The following SLC14A2 variants were observed in gnomAD, a reference collection of about 807,000 sequenced individuals.
SLC14A2 encodes the protein urea transporter 2.
SLC14A2 carries 91 observed loss-of-function variants against 104.6 expected under a neutral mutation model. The observed-to-expected ratio is 0.87, with a 90% CI of 0.73 to 1.04. The LOEUF (loss-of-function observed/expected upper bound fraction) is 1.04. Ranked by LOEUF, SLC14A2 falls within the 50% of genes least tolerant of loss-of-function variation. The pLI, the probability that SLC14A2 is intolerant of heterozygous loss-of-function variation, is 0.00. For missense variants in SLC14A2, 1,189 were observed against 1,156.0 expected (o/e 1.03, Z -0.41); for synonymous variants, 476 against 466.4 (o/e 1.02, Z -0.27).
At chr18:45,531,385 C>T (rs549427550) in intron 2 of SLC14A2, among the ~76,000 whole-genome samples, 34 of 152,046 alleles carry the variant, frequency 2.2e-4, no homozygotes, top group African/African-American at 5.1e-4. Flanking sequence ...TTTTAATGAT[C>T]GCCATTCTAA....
chr18:45,648,164 T>A (rs1200232539), intron 10 of SLC14A2, among the ~76,000 whole-genome samples: 5 of 151,338 alleles, frequency 3.3e-5, no homozygotes, highest in Non-Finnish European at 7.4e-5. Context: ...TTGCCTATTA[T>A]TATAAGTTAC....
At chr18:45,667,567 C>T (rs1240297822) in intron 13 of SLC14A2, among the ~76,000 whole-genome samples, 2 of 152,160 alleles carry the variant, frequency 1.3e-5, no homozygotes, top group Non-Finnish European at 2.9e-5. Flanking sequence ...CCACAGGGGT[C>T]AGAGGCAGCT....
chr18:45,198,374 T>A, the SLC14A2 span, among the ~76,000 whole-genome samples: 1 of 152,142 alleles, frequency 6.6e-6, no homozygotes, highest in African/African-American at 2.4e-5. Flanking sequence ...TTTGATGAGT[T>A]TGATTCTTTC....
At chr18:45,168,400 A>G in the SLC14A2 span, among the ~76,000 whole-genome samples, 35,198 of 152,080 alleles carry the variant, frequency 0.23, 4,365 homozygotes, top group African/African-American at 0.28. Context: ...CCTCATACTC[A>G]TTTTTATATA....
intron 1 of SLC14A2, among the ~76,000 whole-genome samples, chr18:45,460,296 A>G (rs2087021002): frequency 6.6e-6 from 1 of 151,740 alleles, no homozygotes; most frequent in Admixed American, 6.6e-5. Context: ...TCACACACTG[A>G]CTCTTCACCC....
At chr18:45,676,041 C>T (rs1331467931) in intron 18 of SLC14A2, among the ~76,000 whole-genome samples, 3 of 152,134 alleles carry the variant, frequency 2.0e-5, no homozygotes, top group Admixed American at 1.3e-4. Context: ...TTTTACATGA[C>T]CTGAAACTAG....
intron 1 of SLC14A2, among the ~76,000 whole-genome samples, chr18:45,461,642 T>G (rs538757376): frequency 6.6e-6 from 1 of 152,238 alleles, no homozygotes. Context: ...AGCCTCATAT[T>G]TAGACAGAGC....
chr18:45,398,433 G>A (rs1219759613), intron 1 of SLC14A2, among the ~76,000 whole-genome samples: 2 of 152,114 alleles, frequency 1.3e-5, no homozygotes, highest in African/African-American at 2.4e-5. Context: ...CAGAGGTTTT[G>A]CATGAAACAA....
intron 2 of SLC14A2, among the ~76,000 whole-genome samples, chr18:45,558,979 C>T (rs758226621): frequency 5.3e-5 from 8 of 152,096 alleles, no homozygotes; most frequent in Middle Eastern, 3.4e-3. Context: ...TTAGTAGAGA[C>T]GGGGTTTCAC....
chr18:45,317,779 G>A (rs2085144472), intron 1 of SLC14A2, among the ~76,000 whole-genome samples: 1 of 152,184 alleles, frequency 6.6e-6, no homozygotes, highest in African/African-American at 2.4e-5. Flanking sequence ...CTTGACAGAT[G>A]TCTCCTCCCC....
At chr18:45,565,021 A>T (rs1349932285) in intron 2 of SLC14A2, among the ~76,000 whole-genome samples, 1 of 150,690 alleles carries the variant, frequency 6.6e-6, no homozygotes, top group Non-Finnish European at 1.5e-5. Context: ...TACAATTCAG[A>T]TAGCTGTGGA....
chr18:45,662,305 A>G (rs1478141025), intron 10 of SLC14A2, among the ~76,000 whole-genome samples: 1 of 151,716 alleles, frequency 6.6e-6, no homozygotes, highest in Non-Finnish European at 1.5e-5. Flanking sequence ...CCGTCTTAGA[A>G]AAAAAAAAGT....
intron 1 of SLC14A2, among the ~76,000 whole-genome samples, chr18:45,295,660 G>A (rs1420490427): frequency 6.6e-6 from 1 of 152,132 alleles, no homozygotes; most frequent in Admixed American, 6.5e-5. Context: ...GTCATGTTCA[G>A]TCCATTTTTA....
intron 1 of SLC14A2, among the ~76,000 whole-genome samples, chr18:45,309,557 C>T (rs1287632499): frequency 6.6e-6 from 1 of 151,956 alleles, no homozygotes; most frequent in Non-Finnish European, 1.5e-5. Context: ...CAACCCCTGA[C>T]TTTTTTACAG....
chr18:45,543,691 C>T (rs2043924052), intron 2 of SLC14A2, among the ~76,000 whole-genome samples: 1 of 152,180 alleles, frequency 6.6e-6, no homozygotes, highest in South Asian at 2.1e-4. Flanking sequence ...ACCTCTCCCC[C>T]ATGAAGGCAT....
the SLC14A2 span, among the ~76,000 whole-genome samples, chr18:45,189,459 C>T: frequency 6.6e-6 from 1 of 152,030 alleles, no homozygotes; most frequent in East Asian, 1.9e-4. Flanking sequence ...ATCTGGCAGC[C>T]AAATGTAAGA....
intron 2 of SLC14A2, among the ~76,000 whole-genome samples, chr18:45,577,292 A>C (rs1314753662): frequency 1.3e-5 from 2 of 151,956 alleles, no homozygotes; most frequent in African/African-American, 4.8e-5. Context: ...AGCTTTGGAT[A>C]TCTGGAGCTA....
the SLC14A2 span, among the ~76,000 whole-genome samples, chr18:45,199,790 C>A: frequency 6.6e-6 from 1 of 152,140 alleles, no homozygotes; most frequent in Admixed American, 6.6e-5. Flanking sequence ...AAAAAGGTGG[C>A]AATTCCATTC....
chr18:45,354,792 G>A (rs1357034760), intron 1 of SLC14A2, among the ~76,000 whole-genome samples: 1 of 152,084 alleles, frequency 6.6e-6, no homozygotes, highest in East Asian at 1.9e-4. Context: ...TAGCCTACTG[G>A]GTCTACTATT....
Sources: allele counts gnomAD v4.1 joint callset (sites outside exome capture counted in the v4.1 genomes callset), GRCh38; gene constraint gnomAD v4.1.1; transcripts MANE v1.5; gene names NCBI Gene and HGNC (gene_info 2026-07-23, HGNC 2026-07-21).